The following TRIO variants were observed in gnomAD, a reference collection of about 807,000 sequenced individuals.
TRIO encodes the protein trio Rho guanine nucleotide exchange factor.
A neutral mutation model predicts 351.9 loss-of-function variants in TRIO; 58 were observed. The observed-to-expected ratio is 0.16, with a 90% CI of 0.13 to 0.21. The LOEUF (loss-of-function observed/expected upper bound fraction) is 0.21, where lower values mean the gene tolerates loss of function less well. TRIO is among the 10% of genes least tolerant of loss of function. The probability of loss-of-function intolerance (pLI) is 1.00; values close to 1 mark genes in which losing one functional copy is unlikely to be tolerated. For missense variants in TRIO, 3,201 were observed against 4,027.8 expected (o/e 0.79, Z 5.56); for synonymous variants, 1,758 against 1,595.7 (o/e 1.10, Z -2.42).
intron 11 of TRIO, among the ~76,000 whole-genome samples, chr5:14,356,002 G>GAC (rs1367273277): frequency 1.3e-5 from 2 of 152,046 alleles, no homozygotes; most frequent in Non-Finnish European, 2.9e-5. Context: ...TGATAACTTA[G>GAC]ACACAAAAAA....
chr5:14,186,526 C>T (rs1381147229), intron 1 of TRIO, among the ~76,000 whole-genome samples: 1 of 152,110 alleles, frequency 6.6e-6, no homozygotes, highest in Non-Finnish European at 1.5e-5. Context: ...GGGTTTCTTG[C>T]ATTCATTTCT....
intron 34 of TRIO, among the ~76,000 whole-genome samples, chr5:14,439,182 A>G (rs1579656772): frequency 6.6e-6 from 1 of 152,020 alleles, no homozygotes; most frequent in Non-Finnish European, 1.5e-5. Context: ...TGCCTAGCTA[A>G]TTTTTGTATT....
chr5:14,353,479 G>GGC (rs1743323628), intron 11 of TRIO, among the ~76,000 whole-genome samples: 1 of 151,976 alleles, frequency 6.6e-6, no homozygotes, highest in African/African-American at 2.4e-5. Flanking sequence ...GGCCAGGCTG[G>GGC]TCTCAAACTC....
intron 1 of TRIO, among the ~76,000 whole-genome samples, chr5:14,146,148 A>AG (rs1787509374): frequency 8.4e-6 from 1 of 119,196 alleles, no homozygotes; most frequent in Non-Finnish European, 1.7e-5. Flanking sequence ...GATGTCTAGC[A>AG]GGGGGCAGAG....
Position 14,364,833 on chromosome 5 carries a change from A to G in TRIO, c.2754+17A>G. Reference sequence around the variant, plus strand: ...GTGAAACAGGTGAGCAAACGACTGGATGCTTGGGGAGGCTGCGCTACAGAT... The same window carrying G: ...GTGAAACAGGTGAGCAAACGACTGGGTGCTTGGGGAGGCTGCGCTACAGAT... On this transcript the variant is annotated intron_variant, in intron 15 of 56. Transcript: ENST00000344204. 6.2e-7 allele frequency: 1 copy of G among 1,601,350 alleles called. No individual in the cohort carries two copies. The highest frequency in any genetic ancestry group is 8.5e-7 in the Non-Finnish European group (1 of 1,174,342).
At chr5:14,374,174 AAT>A (rs1236488265) in intron 18 of TRIO, 53 bp from the exon 19 acceptor site, 45 of 1,407,040 alleles carry the variant, frequency 3.2e-5, no homozygotes, top group Non-Finnish European at 4.4e-5. Context: ...GTGTACTCCA[AAT>A]ACACGTTTGT....
At chr5:14,257,035 G>A (rs1032039729) in intron 1 of TRIO, among the ~76,000 whole-genome samples, 1 of 152,214 alleles carries the variant, frequency 6.6e-6, no homozygotes, top group African/African-American at 2.4e-5. Context: ...CCAAAGTAGA[G>A]TGGGAAGATC....
chr5:14,505,901 G>T (rs370411164), intron 55 of TRIO, among the ~76,000 whole-genome samples: 1 of 152,246 alleles, frequency 6.6e-6, no homozygotes, highest in East Asian at 1.9e-4. Flanking sequence ...CAGTGTGTAT[G>T]GAGAGGAGGT....
chr5:14,341,464 C>A (rs1198231896), intron 11 of TRIO, among the ~76,000 whole-genome samples: 2 of 152,182 alleles, frequency 1.3e-5, no homozygotes, highest in African/African-American at 4.8e-5. Context: ...GTCTCACTTA[C>A]CTTTGTGTTT....
chr5:14,349,843 C>T (rs775671415), intron 11 of TRIO, among the ~76,000 whole-genome samples: 1 of 152,080 alleles, frequency 6.6e-6, no homozygotes, highest in African/African-American at 2.4e-5. Flanking sequence ...GCATAGTACC[C>T]AATAGGTATT....
rs30629 is a variant in TRIO, at chr5:14,290,696, G to A, written c.541-20G>A. ...ATAAAATTGGTTCATCTTCTCATACGTGATTTTTTTTCCCTTAAGACAAAT... is the reference window on the plus strand; with the variant it reads ...ATAAAATTGGTTCATCTTCTCATACATGATTTTTTTTCCCTTAAGACAAAT... On this transcript the variant is annotated intron_variant, in intron 4 of 56. Coordinates refer to ENST00000344204, the MANE Select transcript of TRIO (RefSeq NM_007118.4). The A allele has an allele frequency of 0.53, 826,233 of 1,566,740 alleles. 224,305 individuals carry two copies. Among genetic ancestry groups the A allele is most frequent in the Middle Eastern group, 0.59 (3,461 of 5,826 alleles).
intron 53 of TRIO, 98 bp from the exon 54 acceptor site, chr5:14,502,481 C>A: frequency 8.3e-7 from 1 of 1,207,652 alleles, no homozygotes; most frequent in Non-Finnish European, 1.2e-6. Flanking sequence ...GCCCGGTGGC[C>A]ACGCGCAGCT....
chr5:14,509,122 A>T lies in TRIO; in HGVS notation c.*700A>T, dbSNP rs1419709813. 1.5e-5 allele frequency: 3 copies of T among 200,534 alleles called. No homozygotes were observed. The highest frequency in any genetic ancestry group is 5.2e-5 in the African/African-American group (2 of 38,266). The allele number at this position is 200,534 out of a possible 1,614,324, so 12.4% of individuals were successfully genotyped here. On this transcript the variant is annotated 3_prime_UTR_variant, in exon 57 of 57. Transcript: ENST00000344204. ...GGGGGTCCGAGGGTCTTCCCATCAC[A>T]TGAAGACATCAGGTTGGGTCCTGCC...
intron 11 of TRIO, among the ~76,000 whole-genome samples, chr5:14,357,451 T>A (rs922408745): frequency 6.6e-6 from 1 of 152,260 alleles, no homozygotes; most frequent in African/African-American, 2.4e-5. Context: ...CTCTGCTCCC[T>A]GGCTCCCACC....
At chr5:14,377,330 C>T (rs550089352) in intron 19 of TRIO, among the ~76,000 whole-genome samples, 1 of 152,040 alleles carries the variant, frequency 6.6e-6, no homozygotes, top group East Asian at 1.9e-4. Context: ...ACTGCAGCCT[C>T]TGCCTCCCAG....
intron 1 of TRIO, among the ~76,000 whole-genome samples, chr5:14,188,533 C>T (rs1790263978): frequency 6.6e-6 from 1 of 152,128 alleles, no homozygotes; most frequent in Non-Finnish European, 1.5e-5. Context: ...AAATTAGCCC[C>T]GTGGGTTTAT....
intron 33 of TRIO, among the ~76,000 whole-genome samples, chr5:14,409,550 C>T (rs113557001): frequency 5.3e-5 from 8 of 152,002 alleles, no homozygotes; most frequent in Non-Finnish European, 1.2e-4. Flanking sequence ...CCTGAAGGGT[C>T]GGCTGAGCAC....
In TRIO at chr5:14,419,780, C is replaced by T; in HGVS notation, c.4962C>T (p.Leu1654=). The change falls in exon 34 of 57, where the codon CTC becomes CTT. Residue 1654 remains leucine (L), a splice_region_variant and synonymous_variant. Transcript: ENST00000344204. ...TSQNTLDSDK[L]SGGCELTVVI... ...CTCTCTTCCTCTGTTCCCCCCAGCT[C>T]TCTGGTGGCTGTGAGCTGACAGTGG... 6.2e-7 allele frequency: 1 copy of T among 1,614,168 alleles called. No individual in the cohort carries two copies. Among genetic ancestry groups the T allele is most frequent in the Non-Finnish European group, 8.5e-7 (1 of 1,180,022 alleles).
chr5:14,390,473 G>A, intron 26 of TRIO, 173 bp downstream of exon 26: 2 of 640,088 alleles, frequency 3.1e-6, no homozygotes, highest in Non-Finnish European at 2.7e-6. Flanking sequence ...TTTTTGTGGA[G>A]TGAGTTTTTT....
Sources: gnomAD v4.1 joint callset for allele counts (sites outside exome capture counted in the v4.1 genomes callset) on GRCh38, gnomAD v4.1.1 for gene constraint, MANE v1.5 for transcripts, NCBI Gene and HGNC (gene_info 2026-07-23, HGNC 2026-07-21) for gene names.